The following SINHCAF variants were observed in gnomAD, a reference collection of about 807,000 sequenced individuals.
SINHCAF encodes SIN3-HDAC complex associated factor, also known as SIN3-HDAC complex-associated factor.
A neutral mutation model predicts 25.8 loss-of-function variants in SINHCAF; 3 were observed. The ratio of observed to expected loss-of-function variants is 0.12; its 90% CI spans 0.05 to 0.30. SINHCAF has a LOEUF of 0.30. Ranked by LOEUF, SINHCAF falls within the 10% of genes least tolerant of loss-of-function variation. The pLI is 1.00. For missense variants in SINHCAF, 121 were observed against 262.3 expected, an observed-to-expected ratio of 0.46 and a Z score of 3.72; for synonymous variants, 70 against 85.5, an observed-to-expected ratio of 0.82 and a Z score of 1.00.
intron 1 of SINHCAF, chr12:31,298,520 G>T: frequency 3.0e-6 from 1 of 331,296 alleles, no homozygotes; most frequent in South Asian, 3.1e-5. Flanking sequence ...ATCAGGTTTT[G>T]AAGTAAGAAA....
rs1201332970 is a variant in SINHCAF, at chr12:31,324,980, C to T, written c.-21+1044G>A. On this transcript the variant is annotated intron_variant, in intron 1 of 5. Transcript: ENST00000337682. The surrounding 1 kb of genome is among the most constrained non-coding windows in gnomAD (Gnocchi z 5.5). ...CGGACCTGCCCGACGGCGGCCGCAT[C>T]CCACGGCTCACGCGGGGCTGGACAT... 1 of 456,610 alleles carries T rather than the reference C, an allele frequency of 2.2e-6. No homozygotes were observed. The highest frequency in any genetic ancestry group is 2.3e-5 in the Admixed American group (1 of 42,572). The allele number at this position is 456,610 out of a possible 1,614,324, so 28.3% of individuals were successfully genotyped here.
At chr12:31,312,499 T>G (rs1165665483) in intron 1 of SINHCAF, among the ~76,000 whole-genome samples, 3 of 152,238 alleles carry the variant, frequency 2.0e-5, no homozygotes, top group Non-Finnish European at 4.4e-5. Flanking sequence ...CATCATTGTA[T>G]GAAGGCTCCA....
Position 31,285,418 on chromosome 12 carries a change from T to TACACATACACACACAC in SINHCAF, c.506+2215_506+2216insGTGTGTGTGTATGTGT, listed in dbSNP as rs1555110958. Among the ~76,000 whole-genome samples, 504 of 141,436 alleles carry TACACATACACACACAC rather than the reference T, an allele frequency of 3.6e-3. 1 individual carries two copies. Among genetic ancestry groups the TACACATACACACACAC allele is most frequent in the Non-Finnish European group, 6.2e-3 (406 of 65,524 alleles). 92.8% of individuals were successfully genotyped at this position (141,436 alleles called of 152,430 possible). On this transcript the variant is annotated intron_variant, in intron 5 of 5. Transcript: ENST00000337682. ...ATAGACATATATTTATATATATACA[T>TACACATACACACACAC]ACACACACACACACACACACACACA... is the stretch of plus-strand genomic sequence containing the variant.
At chr12:31,320,420 T>C (rs1315115061) in intron 1 of SINHCAF, among the ~76,000 whole-genome samples, 1 of 152,232 alleles carries the variant, frequency 6.6e-6, no homozygotes, top group African/African-American at 2.4e-5. Context: ...TTAGAACACC[T>C]ACCACATAAG....
intron 5 of SINHCAF, among the ~76,000 whole-genome samples, chr12:31,287,368 C>A (rs1938123994): frequency 6.6e-6 from 1 of 152,136 alleles, no homozygotes; most frequent in African/African-American, 2.4e-5. Flanking sequence ...CTTAGTTTTA[C>A]TGATTCTCTC....
chr12:31,309,308 TTGCAGGGACTGA>T (rs1251898536), intron 1 of SINHCAF, among the ~76,000 whole-genome samples: 4 of 152,252 alleles, frequency 2.6e-5, no homozygotes, highest in African/African-American at 9.6e-5. Flanking sequence ...AATGGGGGTG[TTGCAGGGACTGA>T]TGCAGGGAAT....
chr12:31,296,901 G>A (rs1413678930), intron 2 of SINHCAF: 5 of 356,058 alleles, frequency 1.4e-5, no homozygotes, highest in South Asian at 8.5e-5. Context: ...TGAGTAAGGT[G>A]GTGCACACCT....
At chr12:31,323,684 T>C (rs764415600) in intron 1 of SINHCAF, among the ~76,000 whole-genome samples, 29 of 151,760 alleles carry the variant, frequency 1.9e-4, no homozygotes, top group Non-Finnish European at 2.6e-4. Context: ...AACCTTGCCC[T>C]TCCCCGCTCC....
rs1253688951 is a variant in SINHCAF at position 31,325,802 on chromosome 12, C to G, written c.-21+222G>C. ...TTTCGGTTTGCCTCAAATACCCTCCCCAATTAATAAATACACACTAAACAC... is the reference window on the plus strand; with the variant it reads ...TTTCGGTTTGCCTCAAATACCCTCCGCAATTAATAAATACACACTAAACAC... On this transcript the variant is annotated intron_variant, in intron 1 of 5. Transcript: ENST00000337682. This position sits in a 1 kb window ranked among gnomAD's most constrained non-coding sequence, Gnocchi z 5.9. The G allele has an allele frequency of 6.4e-6, 1 of 155,450 alleles. No homozygotes were observed. Among genetic ancestry groups the G allele is most frequent in the Non-Finnish European group, 1.4e-5 (1 of 70,096 alleles). The allele number at this position is 155,450 out of a possible 1,614,324, so 9.6% of individuals were successfully genotyped here.
Position 31,281,032 on chromosome 12 carries a change from A to G in SINHCAF, c.*1680T>C, listed in dbSNP as rs1251256368. On this transcript the variant is annotated 3_prime_UTR_variant, in exon 6 of 6. Coordinates refer to ENST00000337682, the MANE Select transcript of SINHCAF (RefSeq NM_001135812.2). ...ATATAAAATGTTTAGATTAAGAACT[A>G]TAAAACTACAGGGTGCCTATAAAAG... The G allele has an allele frequency of 6.6e-6, 1 of 152,100 alleles. No homozygotes were observed. Among genetic ancestry groups the G allele is most frequent in the African/African-American group, 2.4e-5 (1 of 41,458 alleles). The allele number at this position is 152,100 out of a possible 1,614,324, so 9.4% of individuals were successfully genotyped here.
intron 1 of SINHCAF, among the ~76,000 whole-genome samples, chr12:31,323,545 C>A (rs1939794454): frequency 6.6e-6 from 1 of 152,024 alleles, no homozygotes; most frequent in Non-Finnish European, 1.5e-5. Flanking sequence ...CCTAATCTTC[C>A]GAGTGCCTGA....
intron 1 of SINHCAF, chr12:31,304,485 T>A (rs1938945111): frequency 6.6e-6 from 1 of 152,226 alleles, no homozygotes. Context: ...GTGTTCTAGA[T>A]AAGTTAGAGA....
At chr12:31,294,438 T>G (rs144973421) in intron 3 of SINHCAF, among the ~76,000 whole-genome samples, 1 of 152,154 alleles carries the variant, frequency 6.6e-6, no homozygotes, top group African/African-American at 2.4e-5. Context: ...GGGGAGAAGA[T>G]TGGAATCAAG....
At chr12:31,290,303 A>C (rs575765090) in intron 4 of SINHCAF, among the ~76,000 whole-genome samples, 1 of 152,004 alleles carries the variant, frequency 6.6e-6, no homozygotes, top group Admixed American at 6.6e-5. Context: ...TACCACACCC[A>C]ACTAATTTTT....
intron 5 of SINHCAF, among the ~76,000 whole-genome samples, chr12:31,283,816 G>A (rs540989396): frequency 4.5e-4 from 66 of 147,998 alleles, no homozygotes; most frequent in African/African-American, 1.3e-3. Flanking sequence ...TGGTTTCACC[G>A]TATGTTGGCA....
At chr12:31,307,577 T>A (rs899080299) in intron 1 of SINHCAF, among the ~76,000 whole-genome samples, 8 of 149,176 alleles carry the variant, frequency 5.4e-5, no homozygotes, top group African/African-American at 1.7e-4. Flanking sequence ...AGAGAGAGAG[T>A]GGCAAGGTTA....
intron 4 of SINHCAF, 115 bp from the exon 5 acceptor site, chr12:31,287,899 T>C (rs1414124731): frequency 1.5e-6 from 1 of 671,164 alleles, no homozygotes; most frequent in Non-Finnish European, 2.3e-6. Flanking sequence ...AAGTAAAAAA[T>C]AATTCATTTT....
intron 1 of SINHCAF, among the ~76,000 whole-genome samples, chr12:31,314,774 A>T (rs1322260606): frequency 2.0e-5 from 3 of 152,210 alleles, no homozygotes; most frequent in Admixed American, 6.5e-5. Context: ...AGCACCTTCC[A>T]TCCTGGTCTG....
In SINHCAF at chr12:31,281,929, T is replaced by C. The variant is rs2137062083; in HGVS notation, c.*783A>G. ...CAACAGAAAGCTCAGTCTGTCCTGCTTAATAATCAGTAGTACAGGTGTGAA... is the reference window on the plus strand; with the variant it reads ...CAACAGAAAGCTCAGTCTGTCCTGCCTAATAATCAGTAGTACAGGTGTGAA... On this transcript the variant is annotated 3_prime_UTR_variant, in exon 6 of 6. Coordinates refer to ENST00000337682, the MANE Select transcript of SINHCAF (RefSeq NM_001135812.2). 2 of 152,544 alleles carry C rather than the reference T, an allele frequency of 1.3e-5. No homozygotes were observed. Among genetic ancestry groups the C allele is most frequent in the South Asian group, 4.1e-4 (2 of 4,830 alleles). 9.4% of individuals were successfully genotyped at this position (152,544 alleles called of 1,614,324 possible). A position where few individuals can be genotyped will look rare whatever the true frequency, so the allele number is the denominator to read the frequency against.
Sources: gnomAD v4.1 joint callset for allele counts (sites outside exome capture counted in the v4.1 genomes callset) on GRCh38, gnomAD v4.1.1 for gene constraint, Gnocchi (gnomAD v3.1) non-coding constraint, MANE v1.5 for transcripts, NCBI Gene and HGNC (gene_info 2026-07-23, HGNC 2026-07-21) for gene names.